The following ASTN1 variants were observed in gnomAD, a reference collection of about 807,000 sequenced individuals.
The protein encoded by ASTN1 is astrotactin-1.
A neutral mutation model predicts 140.7 loss-of-function variants in ASTN1; 41 were observed. The ratio of observed to expected loss-of-function variants is 0.29; its 90% CI spans 0.23 to 0.38. The LOEUF (loss-of-function observed/expected upper bound fraction) is 0.38. Among genes scored for constraint, ASTN1 ranks in the 10% least tolerant of loss-of-function variants. The probability of loss-of-function intolerance (pLI) is 1.00; values close to 1 mark genes in which losing one functional copy is unlikely to be tolerated. For missense variants in ASTN1, 1,479 were observed against 1,678.8 expected (o/e 0.88, Z 2.08); for synonymous variants, 640 against 652.2 (o/e 0.98, Z 0.29).
intron 16 of ASTN1, among the ~76,000 whole-genome samples, chr1:176,915,248 T>C (rs1670431480): frequency 1.3e-5 from 2 of 152,314 alleles, no homozygotes; most frequent in African/African-American, 2.4e-5. Context: ...GGACCTACCA[T>C]GGGCCAGGTG....
chr1:177,109,046 C>A (rs765112227), intron 1 of ASTN1, among the ~76,000 whole-genome samples: 1 of 152,030 alleles, frequency 6.6e-6, no homozygotes, highest in African/African-American at 2.4e-5. Context: ...CAACAGAGTG[C>A]AGAGTTATCT....
intron 3 of ASTN1, among the ~76,000 whole-genome samples, chr1:177,031,822 TTC>T (rs1025943686): frequency 6.6e-6 from 1 of 152,190 alleles, no homozygotes; most frequent in African/African-American, 2.4e-5. Flanking sequence ...AGTGCAGTCT[TTC>T]TCTCTCTGCA....
At chr1:177,076,278 C>CAAAAA (rs1171864161) in intron 1 of ASTN1, among the ~76,000 whole-genome samples, 1,239 of 77,432 alleles carry the variant, frequency 0.016, 41 homozygotes, top group Non-Finnish European at 0.022. Context: ...GACTATGTCT[C>CAAAAA]AAAAAAAAAA....
At chr1:177,105,495 T>C (rs1179012117) in intron 1 of ASTN1, among the ~76,000 whole-genome samples, 10 of 152,128 alleles carry the variant, frequency 6.6e-5, no homozygotes, top group Non-Finnish European at 4.4e-5. Context: ...CCTCTCCAGA[T>C]AGATGCTTAT....
intron 2 of ASTN1, among the ~76,000 whole-genome samples, chr1:177,057,936 C>T (rs1677894884): frequency 6.6e-6 from 1 of 152,330 alleles, no homozygotes; most frequent in Middle Eastern, 3.4e-3. Flanking sequence ...TCTACCACCA[C>T]TTGAGTCTCT....
At chr1:176,891,687 G>A (rs978846159) in intron 17 of ASTN1, among the ~76,000 whole-genome samples, 3 of 152,142 alleles carry the variant, frequency 2.0e-5, no homozygotes, top group Non-Finnish European at 4.4e-5. Context: ...CAGCTACTCG[G>A]GAGGCTGAGG....
chr1:176,892,098 G>T (rs1669293381), intron 17 of ASTN1, among the ~76,000 whole-genome samples: 1 of 152,292 alleles, frequency 6.6e-6, no homozygotes, highest in East Asian at 1.9e-4. Flanking sequence ...TTAAATATTG[G>T]AGTGCAGAGT....
intron 11 of ASTN1, among the ~76,000 whole-genome samples, chr1:176,953,686 T>C (rs576349941): frequency 6.6e-6 from 1 of 152,292 alleles, no homozygotes; most frequent in South Asian, 2.1e-4. Flanking sequence ...ACACATTTCA[T>C]GGGAAACCAT....
intron 1 of ASTN1, among the ~76,000 whole-genome samples, chr1:177,127,537 C>T (rs557599987): frequency 1.2e-4 from 19 of 152,320 alleles, no homozygotes; most frequent in Non-Finnish European, 2.5e-4. Flanking sequence ...GCTCTAACCA[C>T]CATGCTATCT....
At chr1:176,978,007 G>A (rs571294499) in intron 8 of ASTN1, among the ~76,000 whole-genome samples, 8 of 152,162 alleles carry the variant, frequency 5.3e-5, no homozygotes, top group Non-Finnish European at 8.8e-5. Flanking sequence ...CCTGTTCAAG[G>A]GTCATGGAAA....
rs888492135 is a variant in ASTN1, at chr1:176,862,086, G to A, written c.*2198C>T. The A allele has an allele frequency of 2.0e-6, 2 of 985,306 alleles. No homozygotes were observed. The highest frequency in any genetic ancestry group is 2.4e-6 in the Non-Finnish European group (2 of 829,944). The allele number at this position is 985,306 out of a possible 1,614,324, so 61.0% of individuals were successfully genotyped here. ...CAGTAGCAGCAAAGAGATGCTCTGG[G>A]CCCTGTCTGATTGGCCTGTCACATC... On this transcript the variant is annotated 3_prime_UTR_variant, in exon 23 of 23. Transcript: ENST00000361833.
At chr1:177,030,712 C>A (rs1363389994) in intron 4 of ASTN1, 94 bp downstream of exon 4, 3 of 1,519,802 alleles carry the variant, frequency 2.0e-6, no homozygotes, top group African/African-American at 2.7e-5. Flanking sequence ...CCCTCTCCAG[C>A]CACGCATGAG....
intron 15 of ASTN1, 34 bp from the exon 16 acceptor site, chr1:176,934,374 G>C: frequency 6.4e-7 from 1 of 1,559,320 alleles, no homozygotes; most frequent in South Asian, 1.2e-5. Flanking sequence ...GTAAGAATGA[G>C]GGCTCAGATT....
rs567243980 is a variant in ASTN1 at position 176,868,537 on chromosome 1, G to A, written c.3647+307C>T. Among the ~76,000 whole-genome samples, 5 of 152,258 alleles carry A rather than the reference G, an allele frequency of 3.3e-5. No individual in the cohort carries two copies. The South Asian group carries it at 1.0e-3, about 32-fold the overall frequency. ...TCCAAATTTCCTTTCACAAGACCAT[G>A]CTTTTGACTCTTTGAGTTTTAGGGT... On this transcript the variant is annotated intron_variant, in intron 22 of 22. Coordinates refer to ENST00000361833, the MANE Select transcript of ASTN1 (RefSeq NM_004319.3).
chr1:177,134,964 C>G (rs754334199), intron 1 of ASTN1, among the ~76,000 whole-genome samples: 7 of 152,156 alleles, frequency 4.6e-5, no homozygotes, highest in Non-Finnish European at 8.8e-5. Context: ...TGAAGAGGTT[C>G]AAGTGAATGA....
chr1:177,141,428 T>C (rs1682465813), intron 1 of ASTN1, among the ~76,000 whole-genome samples: 1 of 151,694 alleles, frequency 6.6e-6, no homozygotes. Flanking sequence ...CTTGTACACA[T>C]TGTTAAAAGA....
At chr1:176,996,334 C>G (rs74450004) in intron 8 of ASTN1, among the ~76,000 whole-genome samples, 2 of 150,078 alleles carry the variant, frequency 1.3e-5, no homozygotes, top group Non-Finnish European at 3.0e-5. Context: ...GAGACAGAGA[C>G]AGAGAAAGAG....
chr1:177,043,877 G>T (rs988566003), intron 2 of ASTN1, among the ~76,000 whole-genome samples: 1 of 152,090 alleles, frequency 6.6e-6, no homozygotes, highest in Non-Finnish European at 1.5e-5. Context: ...AGTCAAAAAA[G>T]TCTTCTTTGG....
chr1:176,986,171 T>G (rs897053820), intron 8 of ASTN1, among the ~76,000 whole-genome samples: 4 of 152,160 alleles, frequency 2.6e-5, no homozygotes, highest in African/African-American at 9.7e-5. Flanking sequence ...TCACAACATT[T>G]GCACTCTTTG....
Sources: allele counts gnomAD v4.1 joint callset (sites outside exome capture counted in the v4.1 genomes callset), GRCh38; gene constraint gnomAD v4.1.1; transcripts MANE v1.5; gene names NCBI Gene and HGNC (gene_info 2026-07-23, HGNC 2026-07-21).